Variants in AKAP6 observed in about 807,000 individuals in gnomAD.
AKAP6 encodes the protein A-kinase anchoring protein 6.
AKAP6 carries 58 observed loss-of-function variants against 188.5 expected under a neutral mutation model. The observed-to-expected ratio is 0.31, with a 90% CI of 0.25 to 0.38. AKAP6 has a LOEUF of 0.38. Among genes scored for constraint, AKAP6 ranks in the 10% least tolerant of loss-of-function variants. The pLI, the probability that AKAP6 is intolerant of heterozygous loss-of-function variation, is 1.00. For missense variants in AKAP6, 2,710 were observed against 2,740.0 expected, an observed-to-expected ratio of 0.99 and a Z score of 0.24; for synonymous variants, 989 against 998.6, an observed-to-expected ratio of 0.99 and a Z score of 0.18.
intron 2 of AKAP6, among the ~76,000 whole-genome samples, chr14:32,488,227 C>T (rs1050445633): frequency 5.3e-5 from 8 of 152,154 alleles, no homozygotes; most frequent in African/African-American, 1.2e-4. Context: ...ATGCCCTGCC[C>T]GGAGAGGAGG....
intron 11 of AKAP6, among the ~76,000 whole-genome samples, chr14:32,752,625 T>G (rs1318089484): frequency 1.3e-5 from 2 of 152,210 alleles, no homozygotes; most frequent in Non-Finnish European, 2.9e-5. Context: ...CTTGTCATTT[T>G]TCTTGCTTTC....
chr14:32,366,086 C>T (rs1887824046), intron 1 of AKAP6, among the ~76,000 whole-genome samples: 3 of 152,126 alleles, frequency 2.0e-5, no homozygotes, highest in South Asian at 2.1e-4. Context: ...AAACCACACA[C>T]ATTAAACAGC....
rs115656659 is a variant in AKAP6, at chr14:32,452,806, C to T, written c.324+18989C>T. 1.7e-3 allele frequency among the ~76,000 whole-genome samples: 260 copies of T among 152,302 alleles called. 1 individual carries two copies. Among genetic ancestry groups the T allele is most frequent in the African/African-American group, 6.0e-3 (251 of 41,554 alleles). On this transcript the variant is annotated intron_variant, in intron 2 of 13. Coordinates refer to ENST00000280979, the MANE Select transcript of AKAP6 (RefSeq NM_004274.5). ...TACTGGGGCAAGTGACTGAAATTCT[C>T]TAAGTCTCATTTAATTTTTCTGTTC... is the stretch of plus-strand genomic sequence containing the variant.
At chr14:32,457,212 G>A (rs1318726892) in intron 2 of AKAP6, among the ~76,000 whole-genome samples, 4 of 152,168 alleles carry the variant, frequency 2.6e-5, no homozygotes, top group Admixed American at 6.5e-5. Context: ...CTACTACTGA[G>A]TGGTATCTAC....
In AKAP6 at chr14:32,585,492, A is replaced by ATG. The variant is rs1555342354; in HGVS notation, c.2469+8272_2469+8273dup. 8.9e-3 allele frequency among the ~76,000 whole-genome samples: 1,338 copies of ATG among 150,834 alleles called. 23 individuals are homozygous for ATG. The highest frequency in any genetic ancestry group is 0.026 in the African/African-American group (1,068 of 41,054). ...AAAATGGTGACTATGAACTATATAT[A>ATG]TGTGTGTGTGTGTGTGTGTGTGTAT... On this transcript the variant is annotated intron_variant, in intron 5 of 13. Transcript: ENST00000280979.
intron 4 of AKAP6, among the ~76,000 whole-genome samples, chr14:32,556,492 G>A (rs1009313697): frequency 6.6e-6 from 1 of 151,898 alleles, no homozygotes; most frequent in African/African-American, 2.4e-5. Flanking sequence ...ACAGGCATGC[G>A]CCACCACACC....
At position 32,822,230 on chromosome 14, in the gene AKAP6, C is replaced by T; in HGVS notation, c.4417C>T (p.Leu1473Phe). 1 of 1,613,866 alleles carries T rather than the reference C, an allele frequency of 6.2e-7. No homozygotes were observed. Among genetic ancestry groups the T allele is most frequent in the Non-Finnish European group, 8.5e-7 (1 of 1,179,920 alleles). ...DVFTFYDYSY[L>F]QGSKLKLPMI... ...GTTTACATTTTATGATTACTCATAC[C>T]TCCAAGGCTCAAAACTCAAATTACC... Residue 1473 changes from leucine to phenylalanine, a missense_variant, in exon 13 of 14, where the codon CTC becomes TTC. This residue lies in a region of AKAP6 where 2,473 missense variants were observed against 2,426.1 expected (regional missense o/e 1.02). Transcript: ENST00000280979.
intron 4 of AKAP6, among the ~76,000 whole-genome samples, chr14:32,549,846 C>T (rs1328023890): frequency 6.6e-6 from 1 of 152,178 alleles, no homozygotes; most frequent in African/African-American, 2.4e-5. Flanking sequence ...GCCCTGGTCT[C>T]TAGTAGTCTT....
At chr14:32,481,273 G>C (rs535680352) in intron 2 of AKAP6, among the ~76,000 whole-genome samples, 20 of 152,138 alleles carry the variant, frequency 1.3e-4, no homozygotes, top group Non-Finnish European at 2.6e-4. Context: ...CTATTCTCCT[G>C]CCTCACAGTT....
intron 11 of AKAP6, among the ~76,000 whole-genome samples, chr14:32,769,664 T>C (rs2032837253): frequency 6.6e-6 from 1 of 152,094 alleles, no homozygotes; most frequent in Non-Finnish European, 1.5e-5. Flanking sequence ...TAATAAATAT[T>C]GGAGACAAAT....
chr14:32,332,744 T>C (rs1025598869), intron 1 of AKAP6, among the ~76,000 whole-genome samples: 7 of 152,104 alleles, frequency 4.6e-5, no homozygotes, highest in Non-Finnish European at 1.0e-4. Flanking sequence ...TCTCACAGTC[T>C]GGAAAGTGTA....
At position 32,545,232 on chromosome 14, in the gene AKAP6, C is replaced by T; in HGVS notation, c.579C>T (p.Gly193=). 1 of 1,610,528 alleles carries T rather than the reference C, an allele frequency of 6.2e-7. No homozygotes were observed. Among genetic ancestry groups the T allele is most frequent in the Non-Finnish European group, 8.5e-7 (1 of 1,177,284 alleles). ...ACCATTGCCATTGTCTGTTTCAGGG[C>T]CGGCTTGATTCTCTAACAGAAGTGG... is the stretch of plus-strand genomic sequence containing the variant. ...LQAFSEETKE[G]RLDSLTEVDD... is the part of the protein sequence containing the mutation. Residue 193 remains glycine (G), a splice_region_variant and synonymous_variant, in exon 4 of 14, where the codon GGC becomes GGT. Transcript: ENST00000280979.
chr14:32,523,365 A>G (rs573824411), intron 2 of AKAP6, among the ~76,000 whole-genome samples: 5 of 152,300 alleles, frequency 3.3e-5, no homozygotes, highest in East Asian at 1.9e-4. Flanking sequence ...ACAACTCCCA[A>G]TACATTAACA....
chr14:32,811,225 C>T (rs540201486), intron 12 of AKAP6, among the ~76,000 whole-genome samples: 82 of 67,396 alleles, frequency 1.2e-3, no homozygotes, highest in Admixed American at 9.1e-3. Flanking sequence ...GGTGACAGAG[C>T]GAGACTCCGT....
intron 5 of AKAP6, among the ~76,000 whole-genome samples, chr14:32,598,959 A>G (rs12898129): frequency 0.93 from 141,674 of 152,224 alleles, 66,066 homozygotes; most frequent in East Asian, 1. Context: ...GAGAAACAGA[A>G]CTGAATCAAA....
rs2140178930 is a variant in AKAP6 at position 32,834,404 on chromosome 14, A to C, written c.*4599A>C. 1 of 152,252 alleles carries C rather than the reference A, an allele frequency of 6.6e-6. No individual in the cohort carries two copies. Among genetic ancestry groups the C allele is most frequent in the East Asian group, 1.9e-4 (1 of 5,178 alleles). 9.4% of individuals were successfully genotyped at this position (152,252 alleles called of 1,614,324 possible). ...TTTGTCTCAAAAAAAAAAATGTAATATTAATACAATAATACCTGATAGTTT... is the reference window on the plus strand; with the variant it reads ...TTTGTCTCAAAAAAAAAAATGTAATCTTAATACAATAATACCTGATAGTTT... On this transcript the variant is annotated 3_prime_UTR_variant, in exon 14 of 14. Transcript: ENST00000280979.
chr14:32,650,431 G>C (rs1445623950), intron 7 of AKAP6, among the ~76,000 whole-genome samples: 1 of 151,950 alleles, frequency 6.6e-6, no homozygotes, highest in Non-Finnish European at 1.5e-5. Context: ...TGACCAACAC[G>C]GTGAAACTCC....
chr14:32,551,642 T>TTTTG (rs71115084), intron 4 of AKAP6, among the ~76,000 whole-genome samples: 38,531 of 148,846 alleles, frequency 0.26, 6,036 homozygotes, highest in Non-Finnish European at 0.37. Context: ...ATTCTGTAAT[T>TTTTG]TTTGTTTGTT....
At chr14:32,806,732 G>A (rs2034098356) in intron 12 of AKAP6, among the ~76,000 whole-genome samples, 1 of 152,114 alleles carries the variant, frequency 6.6e-6, no homozygotes, top group Non-Finnish European at 1.5e-5. Context: ...ATGAATGCAA[G>A]TGCTAAATTA....
Sources: allele counts gnomAD v4.1 joint callset (sites outside exome capture counted in the v4.1 genomes callset), GRCh38; gene constraint gnomAD v4.1.1; regional missense constraint gnomAD v4.1.1; transcripts MANE v1.5; gene names NCBI Gene and HGNC (gene_info 2026-07-23, HGNC 2026-07-21).